Variants in MAPT observed in about 807,000 individuals in gnomAD.
MAPT encodes the protein microtubule associated protein tau, also known as microtubule-associated protein tau.
A neutral mutation model predicts 67.9 loss-of-function variants in MAPT; 34 were observed. The ratio of observed to expected loss-of-function variants is 0.50; its 90% CI spans 0.38 to 0.67. The LOEUF (loss-of-function observed/expected upper bound fraction) is 0.67, where lower values mean the gene tolerates loss of function less well. Ranked by LOEUF, MAPT falls within the 30% of genes least tolerant of loss-of-function variation. The pLI is 0.00. For missense variants in MAPT, 881 were observed against 1,115.2 expected, an observed-to-expected ratio of 0.79 and a Z score of 2.99; for synonymous variants, 456 against 464.5, an observed-to-expected ratio of 0.98 and a Z score of 0.23.
At position 45,928,695 on chromosome 17, in the gene MAPT, G is replaced by A. The variant is rs188231596; in HGVS notation, c.-17-33626G>A. Among the ~76,000 whole-genome samples, 120 of 152,168 alleles carry A rather than the reference G, an allele frequency of 7.9e-4. 2 individuals are homozygous for A. The Middle Eastern group carries it at 0.014, about 17-fold the overall frequency. On this transcript the variant is annotated intron_variant, in intron 1 of 12. Coordinates refer to ENST00000262410, the MANE Select transcript of MAPT (RefSeq NM_001377265.1). ...ATATATACATATATATATTTTGTTT[G>A]TTTGTTTGTTTGTTTTTTGAGACAG...
intron 1 of MAPT, among the ~76,000 whole-genome samples, chr17:45,926,948 C>T (rs1053648606): frequency 1.3e-4 from 14 of 107,486 alleles, no homozygotes; most frequent in Admixed American, 2.0e-4. Flanking sequence ...CATATATATA[C>T]ATATATGTGT....
At chr17:46,004,045 G>T (rs1024276308) in intron 9 of MAPT, among the ~76,000 whole-genome samples, 27 of 152,176 alleles carry the variant, frequency 1.8e-4, no homozygotes, top group African/African-American at 5.6e-4. Flanking sequence ...GCTTGTGTGG[G>T]CATCCAGTGC....
intron 1 of MAPT, among the ~76,000 whole-genome samples, chr17:45,904,212 T>TATATATATTATATATATTATATATTATA (rs2064046230): frequency 2.5e-5 from 1 of 39,462 alleles, no homozygotes; most frequent in Non-Finnish European, 4.6e-5. Flanking sequence ...TCTAATATAT[T>TATATATATTATATATATTATATATTATA]ATATATATTA....
At chr17:45,945,604 G>A (rs1042562438) in intron 1 of MAPT, among the ~76,000 whole-genome samples, 9 of 152,156 alleles carry the variant, frequency 5.9e-5, no homozygotes, top group African/African-American at 2.2e-4. Context: ...CTTGAGATCA[G>A]GAGTTCGAGA....
intron 9 of MAPT, among the ~76,000 whole-genome samples, chr17:46,000,538 T>G (rs1269678491): frequency 8.6e-5 from 13 of 152,010 alleles, no homozygotes; most frequent in Admixed American, 7.9e-4. Context: ...CTCCAGACTG[T>G]AAAAGGGAGC....
intron 11 of MAPT, among the ~76,000 whole-genome samples, chr17:46,014,895 C>G (rs1260344885): frequency 7.8e-6 from 1 of 128,766 alleles, no homozygotes; most frequent in Non-Finnish European, 1.9e-5. Flanking sequence ...AAAAAAAAAG[C>G]ACATGTTCTC....
At chr17:45,922,567 G>A (rs1342319360) in intron 1 of MAPT, among the ~76,000 whole-genome samples, 1 of 151,070 alleles carries the variant, frequency 6.6e-6, no homozygotes, top group Non-Finnish European at 1.5e-5. Context: ...TGCAATAAAG[G>A]TATTATTATG....
At chr17:46,022,280 G>A (rs978299831) in intron 12 of MAPT, among the ~76,000 whole-genome samples, 7 of 151,394 alleles carry the variant, frequency 4.6e-5, no homozygotes, top group African/African-American at 1.5e-4. Context: ...GCTTGATCCC[G>A]GAGGCGGAGG....
Position 46,024,652 on chromosome 17 carries a change from CG to C in MAPT, c.*482del, listed in dbSNP as rs1210478004. 5.7e-6 allele frequency: 1 copy of C among 174,174 alleles called. No individual in the cohort carries two copies. The highest frequency in any genetic ancestry group is 1.5e-4 in the East Asian group (1 of 6,690). The allele number at this position is 174,174 out of a possible 1,614,324, so 10.8% of individuals were successfully genotyped here. ...GTGTGTTCGTGGAGCCACAGGCAGACGATGTCAACCTTGTGTGAGTGTGACG... is the reference window on the plus strand; with the variant it reads ...GTGTGTTCGTGGAGCCACAGGCAGACATGTCAACCTTGTGTGAGTGTGACG... On this transcript the variant is annotated 3_prime_UTR_variant, in exon 13 of 13. Coordinates refer to ENST00000262410, the MANE Select transcript of MAPT (RefSeq NM_001377265.1).
chr17:46,006,380 A>T (rs1214878978), intron 9 of MAPT, among the ~76,000 whole-genome samples: 2 of 152,178 alleles, frequency 1.3e-5, no homozygotes, highest in African/African-American at 2.4e-5. Flanking sequence ...GTGGGAGCTA[A>T]AAATTAAACT....
rs1425609238 is a variant in MAPT at position 45,903,841 on chromosome 17, T to TA, written c.-18+9155_-18+9156insA. On this transcript the variant is annotated intron_variant, in intron 1 of 12. Transcript: ENST00000262410. Reference sequence around the variant, plus strand: ...ATAAATATATTATATATTATATATTTTATATATTATATATTATATATATTA... The same window carrying TA: ...ATAAATATATTATATATTATATATTTATATATATTATATATTATATATATTA... Among the ~76,000 whole-genome samples, 214 of 52,474 alleles carry TA rather than the reference T, an allele frequency of 4.1e-3. 4 individuals are homozygous for TA. Among genetic ancestry groups the TA allele is most frequent in the African/African-American group, 0.013 (202 of 15,326 alleles). The allele number at this position is 52,474 out of a possible 152,430, so 34.4% of individuals were successfully genotyped here. A position where few individuals can be genotyped will look rare whatever the true frequency, so the allele number is the denominator to read the frequency against.
chr17:45,926,200 G>T (rs1307474191), intron 1 of MAPT, among the ~76,000 whole-genome samples: 1 of 150,088 alleles, frequency 6.7e-6, no homozygotes, highest in African/African-American at 2.4e-5. Flanking sequence ...AACAGAGTAA[G>T]ACTCTATGTC....
intron 1 of MAPT, among the ~76,000 whole-genome samples, chr17:45,920,395 C>T (rs532050605): frequency 5.3e-4 from 80 of 152,276 alleles, no homozygotes; most frequent in Non-Finnish European, 8.5e-4. Context: ...TTTTATCTCC[C>T]GGGGAAACTG....
chr17:45,960,141 G>C (rs1366404382), intron 1 of MAPT, among the ~76,000 whole-genome samples: 1 of 152,236 alleles, frequency 6.6e-6, no homozygotes. Context: ...ACAAGTGCCT[G>C]ATCTTTTCTG....
In MAPT at chr17:45,995,411, A is replaced by G. The variant is rs1022950556; in HGVS notation, c.1733-988A>G. Among the ~76,000 whole-genome samples the G allele has an allele frequency of 1.3e-5, 2 of 152,170 alleles. No individual in the cohort carries two copies. Among genetic ancestry groups the G allele is most frequent in the African/African-American group, 4.8e-5 (2 of 41,432 alleles). ...TCTTGAAGGGGATCGAGAAATTTGC[A>G]TTTTGCAACTCCCACTTTCCTCCTT... is the stretch of plus-strand genomic sequence containing the variant. On this transcript the variant is annotated intron_variant, in intron 8 of 12. Transcript: ENST00000262410. The surrounding 1 kb of genome is among the most constrained non-coding windows in gnomAD (Gnocchi z 4.3).
At chr17:46,020,378 T>G (rs1215068176) in intron 12 of MAPT, among the ~76,000 whole-genome samples, 1 of 152,142 alleles carries the variant, frequency 6.6e-6, no homozygotes, top group African/African-American at 2.4e-5. Flanking sequence ...CTGCTGCTTC[T>G]CTTCTGCAGA....
intron 6 of MAPT, among the ~76,000 whole-genome samples, chr17:45,988,092 C>T (rs932114415): frequency 6.6e-6 from 1 of 152,094 alleles, no homozygotes; most frequent in African/African-American, 2.4e-5. Flanking sequence ...CCGTGTGCAG[C>T]GAGGGAAGGA....
chr17:45,967,443 C>T (rs2457406), intron 2 of MAPT, among the ~76,000 whole-genome samples: 3 of 152,160 alleles, frequency 2.0e-5, no homozygotes, highest in Admixed American at 6.5e-5. Flanking sequence ...CAGAAGTCTG[C>T]GTGATGCTGC....
rs763356972 is a variant in MAPT, at chr17:45,996,477, C to T, written c.1811C>T (p.Thr604Ile). The T allele has an allele frequency of 6.2e-7, 1 of 1,613,324 alleles. No homozygotes were observed. Among genetic ancestry groups the T allele is most frequent in the East Asian group, 2.2e-5 (1 of 44,874 alleles). ...GGCACTCCCGGCAGCCGCTCCCGCA[C>T]CCCGTCCCTTCCAACCCCACCCACC... ...SPGTPGSRSR[T>I]PSLPTPPTRE... is the part of the protein sequence containing the mutation. Residue 604 changes from threonine to isoleucine, a missense_variant, in exon 9 of 13, where the codon ACC becomes ATC. Thr to Ile is a moderately conservative substitution (Grantham distance 89, BLOSUM62 -1). Transcript: ENST00000262410. The surrounding 1 kb of genome is among the most constrained non-coding windows in gnomAD (Gnocchi z 4.5).
Sources: gnomAD v4.1 joint callset for allele counts (sites outside exome capture counted in the v4.1 genomes callset) on GRCh38, gnomAD v4.1.1 for gene constraint, Gnocchi (gnomAD v3.1) non-coding constraint, MANE v1.5 for transcripts, NCBI Gene and HGNC (gene_info 2026-07-23, HGNC 2026-07-21) for gene names.